The following KIF1A variants were observed in gnomAD, a reference collection of about 807,000 sequenced individuals.
KIF1A encodes the protein kinesin family member 1A, also known as kinesin-like protein KIF1A.
Under a neutral mutation model 227.3 loss-of-function variants are expected in KIF1A, and 46 were observed. The observed-to-expected ratio is 0.20, with a 90% CI of 0.16 to 0.26. KIF1A has a LOEUF of 0.26. Ranked by LOEUF, KIF1A falls within the 10% of genes least tolerant of loss-of-function variation. The pLI, the probability that KIF1A is intolerant of heterozygous loss-of-function variation, is 1.00. For synonymous variants in KIF1A, 1,022 were observed against 1,012.8 expected (o/e 1.01, Z -0.17); for missense variants, 1,683 against 2,485.9 (o/e 0.68, Z 6.87).
In KIF1A at chr2:240,760,062, G is replaced by A. The variant is rs540517705; in HGVS notation, c.2444+603C>T. Among the ~76,000 whole-genome samples, 114 of 152,034 alleles carry A rather than the reference G, an allele frequency of 7.5e-4. No homozygotes were observed. In the South Asian group the frequency reaches 0.024, roughly 31 times the overall value. On this transcript the variant is annotated intron_variant, in intron 25 of 48. Coordinates refer to ENST00000498729, the MANE Select transcript of KIF1A (RefSeq NM_001244008.2). ...TTAAGGGCTCAAGACAAATCAGCGT[G>A]AGCATGTGGGGACAGCAGAGGCCGA... is the stretch of plus-strand genomic sequence containing the variant.
rs577167215 is a variant in KIF1A at position 240,792,244 on chromosome 2, A to G, written c.107-2932T>C. The stretch of plus-strand genomic sequence containing the variant: ...CCTGCTTCTCACAGAGACCTCCCCG[A>G]TTCTGCTGGAGAAAGGGCTTTTTTT... On this transcript the variant is annotated intron_variant, in intron 2 of 48. Coordinates refer to ENST00000498729, the MANE Select transcript of KIF1A (RefSeq NM_001244008.2). The surrounding 1 kb of genome is among the most constrained non-coding windows in gnomAD (Gnocchi z 4.5). 6.6e-6 allele frequency among the ~76,000 whole-genome samples: 1 copy of G among 152,134 alleles called. No individual in the cohort carries two copies. Among genetic ancestry groups the G allele is most frequent in the Admixed American group, 6.5e-5 (1 of 15,304 alleles).
At position 240,771,201 on chromosome 2, in the gene KIF1A, C is replaced by T. The variant is rs561218792; in HGVS notation, c.1208-97G>A. 264 of 1,454,626 alleles carry T rather than the reference C, an allele frequency of 1.8e-4. 1 individual carries two copies. Among genetic ancestry groups the T allele is most frequent in the South Asian group, 1.5e-3 (129 of 85,238 alleles). The allele number at this position is 1,454,626 out of a possible 1,614,324, so 90.1% of individuals were successfully genotyped here. ...ACGTCTATGGGGAGGAGGGGTAGGG[C>T]GGGCAGACAGACAGAGGGAGGGAGA... On this transcript the variant is annotated intron_variant, in intron 14 of 48. Coordinates refer to ENST00000498729, the MANE Select transcript of KIF1A (RefSeq NM_001244008.2).
intron 1 of KIF1A, among the ~76,000 whole-genome samples, chr2:240,815,669 G>A (rs1230320843): frequency 6.6e-6 from 1 of 152,216 alleles, no homozygotes; most frequent in Admixed American, 6.5e-5. Flanking sequence ...GTGAGGCACC[G>A]TGCTGGCCCC....
rs559417152 is a variant in KIF1A, at chr2:240,716,555, G to A, written c.*809C>T. The A allele has an allele frequency of 2.6e-5, 4 of 152,420 alleles. No homozygotes were observed. The East Asian group carries it at 7.5e-4, about 29-fold the overall frequency. The allele number at this position is 152,420 out of a possible 1,614,324, so 9.4% of individuals were successfully genotyped here. On this transcript the variant is annotated 3_prime_UTR_variant, in exon 49 of 49. Transcript: ENST00000498729. ...TGCCGTCTGCCTCATCTCAGAGCCA[G>A]AGCCGAGTGTCACCCCTCACCCTTT... is the stretch of plus-strand genomic sequence containing the variant.
chr2:240,759,723 CT>C (rs2050288080), intron 25 of KIF1A, among the ~76,000 whole-genome samples: 2 of 152,206 alleles, frequency 1.3e-5, no homozygotes, highest in African/African-American at 4.8e-5. Context: ...AACTTGAGGC[CT>C]GGCTGGGTGC....
intron 1 of KIF1A, among the ~76,000 whole-genome samples, chr2:240,808,039 A>G (rs1171147122): frequency 6.6e-6 from 1 of 152,214 alleles, no homozygotes; most frequent in Non-Finnish European, 1.5e-5. Context: ...CTACCCAAAC[A>G]TCACACTTAA....
chr2:240,783,635 C>T (rs2054356956), intron 8 of KIF1A, 104 bp downstream of exon 8: 6 of 847,610 alleles, frequency 7.1e-6, no homozygotes, highest in African/African-American at 3.4e-5. Context: ...GGCTCACCCT[C>T]AGGGTGGCCC....
chr2:240,756,640 C>T (rs2049879880), intron 27 of KIF1A, among the ~76,000 whole-genome samples: 1 of 152,264 alleles, frequency 6.6e-6, no homozygotes, highest in South Asian at 2.1e-4. Context: ...GTAGTCCTCA[C>T]CTTTAGACAG....
chr2:240,731,933 A>G (rs1277999106), intron 38 of KIF1A, among the ~76,000 whole-genome samples: 3 of 24,038 alleles, frequency 1.2e-4, no homozygotes, highest in East Asian at 1.6e-3. Flanking sequence ...AGGAGGGATG[A>G]GGGATGGGGG....
At chr2:240,771,600 G>C (rs934492447) in intron 14 of KIF1A, among the ~76,000 whole-genome samples, 1 of 152,140 alleles carries the variant, frequency 6.6e-6, no homozygotes, top group Admixed American at 6.5e-5. Context: ...CACTGGCTTG[G>C]CGTGGTCACC....
At chr2:240,818,305 C>T (rs2058471332) in intron 1 of KIF1A, among the ~76,000 whole-genome samples, 1 of 152,216 alleles carries the variant, frequency 6.6e-6, no homozygotes, top group Middle Eastern at 3.2e-3. Flanking sequence ...GACTTCACCC[C>T]GGGTAAAGGC....
In KIF1A at chr2:240,736,479, C is replaced by G. The variant is rs541426430; in HGVS notation, c.4007+584G>C. Among the ~76,000 whole-genome samples, 1 of 152,214 alleles carries G rather than the reference C, an allele frequency of 6.6e-6. No individual in the cohort carries two copies. The highest frequency in any genetic ancestry group is 1.9e-4 in the East Asian group (1 of 5,180). ...CAGGGGCTGCCTCCCTCTCCCATCC[C>G]CTAACCCCAGCAGACCCCGATAGGG... On this transcript the variant is annotated intron_variant, in intron 38 of 48. Transcript: ENST00000498729. This position sits in a 1 kb window ranked among gnomAD's most constrained non-coding sequence, Gnocchi z 4.7.
In KIF1A at chr2:240,757,524, T is replaced by A; in HGVS notation, c.2653A>T (p.Thr885Ser). The A allele has an allele frequency of 6.5e-7, 1 of 1,547,438 alleles. No homozygotes were observed. The highest frequency in any genetic ancestry group is 1.2e-5 in the South Asian group (1 of 83,848). Residue 885 changes from threonine to serine, a missense_variant, in exon 27 of 49, where the codon ACC (threonine) becomes TCC (serine). Transcript: ENST00000498729. This position sits in a 1 kb window ranked among gnomAD's most constrained non-coding sequence, Gnocchi z 6.2. ...GGGCTCGAGAAGGTGGGGGAGGGGG[T>A]GAGAGCAGCCATGCGCTCGCTCATG... ...TCMSERMAAL[T>S]PSPTFSSPDS...
At chr2:240,782,333 C>T (rs1314584899) in intron 10 of KIF1A, among the ~76,000 whole-genome samples, 1 of 152,144 alleles carries the variant, frequency 6.6e-6, no homozygotes, top group East Asian at 1.9e-4. Flanking sequence ...GCCACACTTT[C>T]CCACCTCGGT....
Position 240,760,775 on chromosome 2 carries a change from TG to T in KIF1A, c.2333del (p.Pro778GlnfsTer43). On this transcript the variant is annotated frameshift_variant, in exon 25 of 49. Coordinates refer to ENST00000498729, the MANE Select transcript of KIF1A (RefSeq NM_001244008.2). LOFTEE classifies it high-confidence loss of function. ...YSPLPPDLLP[P>X]EAAKDRETRP... ...GCGTCTCTCGGTCTTTGGCGGCCTC[TG>T]GGGGCAGCAGGTCGGGTGGCAGAGG... The T allele has an allele frequency of 6.2e-7, 1 of 1,604,308 alleles. No homozygotes were observed. The highest frequency in any genetic ancestry group is 1.7e-5 in the Admixed American group (1 of 58,164).
chr2:240,723,375 C>A, intron 42 of KIF1A, 38 bp downstream of exon 42: 1 of 1,508,452 alleles, frequency 6.6e-7, no homozygotes, highest in Non-Finnish European at 8.9e-7. Flanking sequence ...GCCACATGGA[C>A]ACCACCGTGC....
At chr2:240,733,663 C>G (rs1370189923) in intron 38 of KIF1A, among the ~76,000 whole-genome samples, 1 of 152,214 alleles carries the variant, frequency 6.6e-6, no homozygotes, top group Non-Finnish European at 1.5e-5. Context: ...CGCAACACGA[C>G]CTGACAAGGA....
intron 20 of KIF1A, 87 bp from the exon 21 acceptor site, chr2:240,763,433 G>A: frequency 7.6e-7 from 1 of 1,316,124 alleles, no homozygotes; most frequent in Non-Finnish European, 1.0e-6. Flanking sequence ...AGGAGAAAGG[G>A]GAACGGGTGC....
chr2:240,759,953 C>G (rs1281735666), intron 25 of KIF1A, among the ~76,000 whole-genome samples: 1 of 151,792 alleles, frequency 6.6e-6, no homozygotes, highest in Non-Finnish European at 1.5e-5. Context: ...GGAGTTTGAG[C>G]TGCAGCGAGC....
Sources: gnomAD v4.1 joint callset for allele counts (sites outside exome capture counted in the v4.1 genomes callset) on GRCh38, gnomAD v4.1.1 for gene constraint, Gnocchi (gnomAD v3.1) non-coding constraint, MANE v1.5 for transcripts, NCBI Gene and HGNC (gene_info 2026-07-23, HGNC 2026-07-21) for gene names.